Variants in UBE3C observed in about 807,000 individuals in gnomAD.
The protein encoded by UBE3C is ubiquitin-protein ligase E3C.
In UBE3C, 42 loss-of-function variants were observed where a neutral mutation model predicts 129.4. The ratio of observed to expected loss-of-function variants is 0.32; its 90% CI spans 0.25 to 0.42. The LOEUF (loss-of-function observed/expected upper bound fraction) is 0.42. Ranked by LOEUF, UBE3C falls within the 10% of genes least tolerant of loss-of-function variation. The pLI, the probability that UBE3C is intolerant of heterozygous loss-of-function variation, is 1.00. For missense variants in UBE3C, 1,049 were observed against 1,319.1 expected, an observed-to-expected ratio of 0.80 and a Z score of 3.17; for synonymous variants, 510 against 492.4, an observed-to-expected ratio of 1.04 and a Z score of -0.47.
intron 8 of UBE3C, 137 bp from the exon 9 acceptor site, chr7:157,183,741 T>TAA: frequency 9.1e-7 from 1 of 1,100,720 alleles, no homozygotes; most frequent in Non-Finnish European, 1.3e-6. Context: ...TGTTTCCTAT[T>TAA]ATAACACAGT....
intron 18 of UBE3C, among the ~76,000 whole-genome samples, chr7:157,247,035 C>T (rs538237787): frequency 7.2e-5 from 11 of 152,248 alleles, no homozygotes; most frequent in South Asian, 4.1e-4. Context: ...GGATTATAGG[C>T]ATATGCCACC....
intron 1 of UBE3C, among the ~76,000 whole-genome samples, chr7:157,142,900 A>G (rs1453902265): frequency 6.7e-6 from 1 of 149,336 alleles, no homozygotes; most frequent in East Asian, 2.0e-4. Context: ...GCTGGAGCGC[A>G]GTGTTGCCCA....
At chr7:157,246,014 A>AAC (rs1554437623) in intron 18 of UBE3C, among the ~76,000 whole-genome samples, 2 of 150,464 alleles carry the variant, frequency 1.3e-5, no homozygotes, top group Non-Finnish European at 2.9e-5. Context: ...AAAAAAAAAA[A>AAC]CAGTGTTCTT....
chr7:157,225,840 C>T (rs985947830), intron 17 of UBE3C, among the ~76,000 whole-genome samples: 1 of 152,244 alleles, frequency 6.6e-6, no homozygotes, highest in East Asian at 1.9e-4. Context: ...TGTCCCTGCT[C>T]TGCAAAAGGC....
At chr7:157,195,559 T>G (rs143182116) in intron 10 of UBE3C, among the ~76,000 whole-genome samples, 162 of 152,308 alleles carry the variant, frequency 1.1e-3, no homozygotes, top group African/African-American at 3.5e-3. Flanking sequence ...TTTCTGCTTT[T>G]TGAACAGGAA....
At chr7:157,178,035 A>G (rs1808568984) in intron 5 of UBE3C, among the ~76,000 whole-genome samples, 1 of 152,050 alleles carries the variant, frequency 6.6e-6, no homozygotes, top group Non-Finnish European at 1.5e-5. Context: ...TTTTTGATAG[A>G]AAAAAGGATT....
At chr7:157,172,832 G>T (rs1357398250) in intron 4 of UBE3C, among the ~76,000 whole-genome samples, 1 of 152,220 alleles carries the variant, frequency 6.6e-6, no homozygotes, top group Non-Finnish European at 1.5e-5. Flanking sequence ...ACAGGCAGGT[G>T]CTGTGAGATG....
At chr7:157,179,420 A>G (rs1252213097) in intron 6 of UBE3C, among the ~76,000 whole-genome samples, 2 of 152,206 alleles carry the variant, frequency 1.3e-5, no homozygotes, top group Non-Finnish European at 2.9e-5. Context: ...AAATGACTGC[A>G]TCGTAGAAGC....
intron 1 of UBE3C, among the ~76,000 whole-genome samples, chr7:157,141,499 C>T (rs148696297): frequency 3.3e-3 from 502 of 152,304 alleles, no homozygotes; most frequent in Non-Finnish European, 3.6e-3. Flanking sequence ...AGCCCGTTGC[C>T]CCTATGCTAC....
At chr7:157,184,205 C>T (rs539858129) in intron 9 of UBE3C, among the ~76,000 whole-genome samples, 176 bp downstream of exon 9, 10 of 152,290 alleles carry the variant, frequency 6.6e-5, no homozygotes, top group South Asian at 4.1e-4. Context: ...TCTCTCCCAC[C>T]GCTTTGTTAG....
chr7:157,172,348 A>G (rs955357861), intron 4 of UBE3C, among the ~76,000 whole-genome samples: 1 of 152,142 alleles, frequency 6.6e-6, no homozygotes, highest in African/African-American at 2.4e-5. Flanking sequence ...TAAATATATA[A>G]TTTATTTTTG....
intron 8 of UBE3C, 29 bp from the exon 9 acceptor site, chr7:157,183,849 A>C (rs1375755189): frequency 6.3e-7 from 1 of 1,585,908 alleles, no homozygotes; most frequent in Non-Finnish European, 8.6e-7. Context: ...GTTTAACTAA[A>C]ATACGTTTTA....
At chr7:157,245,308 A>G (rs1480797655) in intron 18 of UBE3C, among the ~76,000 whole-genome samples, 1 of 152,220 alleles carries the variant, frequency 6.6e-6, no homozygotes, top group Non-Finnish European at 1.5e-5. Context: ...TATATTGAAC[A>G]TCAAATGATT....
intron 21 of UBE3C, among the ~76,000 whole-genome samples, chr7:157,255,545 A>G (rs1796730250): frequency 6.6e-6 from 1 of 152,224 alleles, no homozygotes; most frequent in African/African-American, 2.4e-5. Context: ...GTTTAAGGAA[A>G]TGAAATCAGT....
chr7:157,246,668 C>T (rs887548022), intron 18 of UBE3C, among the ~76,000 whole-genome samples: 6 of 152,168 alleles, frequency 3.9e-5, no homozygotes, highest in Non-Finnish European at 7.3e-5. Flanking sequence ...CCAGCCTTCA[C>T]CTTCCCTCTC....
At chr7:157,255,864 T>A (rs1796738285) in intron 21 of UBE3C, among the ~76,000 whole-genome samples, 2 of 152,168 alleles carry the variant, frequency 1.3e-5, no homozygotes, top group South Asian at 2.1e-4. Flanking sequence ...TTGTTAGCCA[T>A]GGTATTAATA....
chr7:157,266,970 A>G (rs1177119008), intron 22 of UBE3C, among the ~76,000 whole-genome samples: 3 of 152,098 alleles, frequency 2.0e-5, no homozygotes, highest in Non-Finnish European at 4.4e-5. Flanking sequence ...TCGAACTCCT[A>G]AGCTCAAGCC....
intron 1 of UBE3C, among the ~76,000 whole-genome samples, chr7:157,160,192 A>G (rs1808030814): frequency 6.6e-6 from 1 of 151,476 alleles, no homozygotes; most frequent in African/African-American, 2.4e-5. Flanking sequence ...CTCCTGCCTC[A>G]GGCCTCCAAG....
At chr7:157,152,539 C>T (rs1807785584) in intron 1 of UBE3C, among the ~76,000 whole-genome samples, 1 of 152,176 alleles carries the variant, frequency 6.6e-6, no homozygotes, top group South Asian at 2.1e-4. Context: ...GATCCTTGCG[C>T]TCCTCACTAT....
Sources: gnomAD v4.1 joint callset for allele counts (sites outside exome capture counted in the v4.1 genomes callset) on GRCh38, gnomAD v4.1.1 for gene constraint, MANE v1.5 for transcripts, NCBI Gene and HGNC (gene_info 2026-07-23, HGNC 2026-07-21) for gene names.